The following ACOT12 variants were observed in gnomAD, a reference collection of about 807,000 sequenced individuals.
ACOT12 encodes acetyl-coenzyme A thioesterase.
In ACOT12, 51 loss-of-function variants were observed where a neutral mutation model predicts 67.7. The observed-to-expected ratio is 0.75, with a 90% confidence interval of 0.60 to 0.95. The LOEUF (loss-of-function observed/expected upper bound fraction) is 0.95, where lower values mean the gene tolerates loss of function less well. Among genes scored for constraint, ACOT12 ranks in the 40% least tolerant of loss-of-function variants. The pLI is 0.00. For synonymous variants in ACOT12, 251 were observed against 244.6 expected (o/e 1.03, Z -0.24); for missense variants, 734 against 708.1 (o/e 1.04, Z -0.41).
intron 4 of ACOT12, among the ~76,000 whole-genome samples, chr5:81,361,162 A>G (rs1418040064): frequency 2.0e-5 from 3 of 151,354 alleles, no homozygotes; most frequent in Non-Finnish European, 4.4e-5. Flanking sequence ...GCCCTGGACT[A>G]CCTTGTGGAA....
chr5:81,331,462 G>A (rs993608003), intron 13 of ACOT12, among the ~76,000 whole-genome samples: 21 of 152,282 alleles, frequency 1.4e-4, no homozygotes, highest in East Asian at 1.4e-3. Context: ...GTTTGAACCC[G>A]GGAGGCAGAA....
At chr5:81,308,978 G>A in the ACOT12 span, 4 of 1,613,392 alleles carry the variant, frequency 2.5e-6, no homozygotes, top group South Asian at 1.1e-5. Flanking sequence ...TTTTGTTTGT[G>A]GAGAAATGGG....
At chr5:81,322,405 C>T in the ACOT12 span, among the ~76,000 whole-genome samples, 2 of 150,314 alleles carry the variant, frequency 1.3e-5, no homozygotes, top group Admixed American at 6.6e-5. Context: ...TGCAGTGAGC[C>T]GAGATGGCAC....
chr5:81,326,678 G>A (rs975020237), downstream of ACOT12, among the ~76,000 whole-genome samples: 24 of 152,316 alleles, frequency 1.6e-4, no homozygotes, highest in Non-Finnish European at 2.8e-4. Flanking sequence ...AGCAAGTAGC[G>A]AGCACTGTAG....
At chr5:81,378,590 GACAAAGGGCTA>G (rs1309602006) in intron 2 of ACOT12, among the ~76,000 whole-genome samples, 2 of 152,084 alleles carry the variant, frequency 1.3e-5, no homozygotes, top group Non-Finnish European at 2.9e-5. Context: ...CTATCCATCT[GACAAAGGGCTA>G]ATATCGAGAA....
downstream of ACOT12, among the ~76,000 whole-genome samples, chr5:81,328,553 G>A (rs1269398494): frequency 3.3e-5 from 5 of 152,128 alleles, no homozygotes; most frequent in Non-Finnish European, 5.9e-5. Context: ...TTTTGGAAAT[G>A]CCCTAAGGAG....
At chr5:81,334,133 A>C (rs986506781) in intron 12 of ACOT12, among the ~76,000 whole-genome samples, 1 of 152,136 alleles carries the variant, frequency 6.6e-6, no homozygotes, top group Admixed American at 6.5e-5. Context: ...CTCCCCATCC[A>C]TCTTGCTAAA....
At chr5:81,314,795 A>AT in the ACOT12 span, among the ~76,000 whole-genome samples, 1 of 144,760 alleles carries the variant, frequency 6.9e-6, no homozygotes, top group African/African-American at 2.6e-5. Context: ...TTCCTAAAAT[A>AT]TTTTTTGAAT....
At chr5:81,362,322 C>A (rs757083140) in intron 4 of ACOT12, among the ~76,000 whole-genome samples, 4 of 151,962 alleles carry the variant, frequency 2.6e-5, no homozygotes, top group African/African-American at 7.3e-5. Context: ...TGCACCACCA[C>A]GCCCAGTTAA....
At position 81,344,071 on chromosome 5, in the gene ACOT12, C is replaced by T. The variant is rs576147419; in HGVS notation, c.980+89G>A. The T allele has an allele frequency of 6.3e-5, 88 of 1,404,814 alleles. No individual in the cohort carries two copies. The East Asian group carries it at 1.7e-3, about 27-fold the overall frequency. The allele number at this position is 1,404,814 out of a possible 1,614,324, so 87.0% of individuals were successfully genotyped here. ...CATCAGACCTTCTCTTTTTCCGTTA[C>T]GTGGGAATAGAGACCCAGAGGGGGG... is the stretch of plus-strand genomic sequence containing the variant. On this transcript the variant is annotated intron_variant, in intron 9 of 14. Transcript: ENST00000307624.
rs772583126 is a variant in ACOT12 at position 81,345,022 on chromosome 5, C to T, written c.793G>A (p.Val265Met). The T allele has an allele frequency of 1.2e-5, 20 of 1,614,022 alleles. No individual in the cohort carries two copies. The Admixed American group carries it at 1.5e-4, about 12-fold the overall frequency. The change falls in exon 8 of 15, where the codon GTG becomes ATG. Residue 265 changes from valine to methionine, a missense_variant. By Grantham distance (21) the Val-to-Met change is conservative. Coordinates refer to ENST00000307624, the MANE Select transcript of ACOT12 (RefSeq NM_130767.3). ...FQTCVEVGVR[V>M]EAFDCQEWAE... ...CATTCCTGACAGTCAAAGGCCTCCA[C>T]GCGAACTCCAACTTCAACACTGTGA...
At chr5:81,390,908 T>G (rs1760845887) in intron 1 of ACOT12, among the ~76,000 whole-genome samples, 1 of 152,238 alleles carries the variant, frequency 6.6e-6, no homozygotes, top group Non-Finnish European at 1.5e-5. Flanking sequence ...TCTTTTCTCT[T>G]AAGAATAAAT....
At chr5:81,347,193 C>T (rs1759406801) in intron 6 of ACOT12, among the ~76,000 whole-genome samples, 1 of 152,196 alleles carries the variant, frequency 6.6e-6, no homozygotes, top group African/African-American at 2.4e-5. Context: ...TCATAGCTCA[C>T]TGTAGCTTTG....
At chr5:81,378,184 C>T (rs1344687741) in intron 2 of ACOT12, among the ~76,000 whole-genome samples, 61 of 152,250 alleles carry the variant, frequency 4.0e-4, no homozygotes, top group African/African-American at 1.3e-3. Flanking sequence ...TAACACCACA[C>T]ATCTACAACC....
chr5:81,378,981 T>C (rs1342892441), intron 2 of ACOT12, among the ~76,000 whole-genome samples: 1 of 152,206 alleles, frequency 6.6e-6, no homozygotes, highest in African/African-American at 2.4e-5. Flanking sequence ...CATTACTGGT[T>C]ATATACCCAA....
chr5:81,317,260 G>A, the ACOT12 span, among the ~76,000 whole-genome samples: 4 of 152,148 alleles, frequency 2.6e-5, no homozygotes, highest in Non-Finnish European at 5.9e-5. Context: ...CCAGCACTTT[G>A]GGAGGCTAAG....
the ACOT12 span, among the ~76,000 whole-genome samples, chr5:81,323,897 C>CATATATACATGTATATATACGT: frequency 6.8e-6 from 1 of 146,264 alleles, no homozygotes; most frequent in Non-Finnish European, 1.5e-5. Context: ...TACATATATA[C>CATATATACATGTATATATACGT]GTATATATAC....
the ACOT12 span, among the ~76,000 whole-genome samples, chr5:81,311,837 G>A: frequency 6.6e-6 from 1 of 152,158 alleles, no homozygotes; most frequent in African/African-American, 2.4e-5. Flanking sequence ...TTAAGGAAGT[G>A]GAGATCATTA....
rs1224682414 is a variant in ACOT12 at position 81,332,569 on chromosome 5, A to C, written c.1299T>G (p.Asp433Glu). 1 of 1,614,064 alleles carries C rather than the reference A, an allele frequency of 6.2e-7. No individual in the cohort carries two copies. Among genetic ancestry groups the C allele is most frequent in the Non-Finnish European group, 8.5e-7 (1 of 1,179,998 alleles). Residue 433 changes from aspartate to glutamate, a missense_variant, in exon 13 of 15, where the codon GAT (aspartate) becomes GAG (glutamate). Transcript: ENST00000307624. ...CEVIDWVSED[D>E]QLYHITCPIL... ...TAGGACAGGTGATGTGATACAGCTG[A>C]TCATCTTCACTCACCCAGTCTATGA... is the stretch of plus-strand genomic sequence containing the variant.
Sources: gnomAD v4.1 joint callset for allele counts (sites outside exome capture counted in the v4.1 genomes callset) on GRCh38, gnomAD v4.1.1 for gene constraint, MANE v1.5 for transcripts, NCBI Gene and HGNC (gene_info 2026-07-23, HGNC 2026-07-21) for gene names.